PRR16: variants seen among roughly 807,000 people sequenced by gnomAD.
The protein encoded by PRR16 is proline rich 16.
A neutral mutation model predicts 18.2 loss-of-function variants in PRR16; 6 were observed. The ratio of observed to expected loss-of-function variants is 0.33; its 90% CI spans 0.18 to 0.65. The LOEUF (loss-of-function observed/expected upper bound fraction) is 0.65. Among genes scored for constraint, PRR16 ranks in the 30% least tolerant of loss-of-function variants. The probability of loss-of-function intolerance (pLI) is 0.74; values close to 1 mark genes in which losing one functional copy is unlikely to be tolerated. For missense variants in PRR16, 412 were observed against 376.6 expected (o/e 1.09, Z -0.78); for synonymous variants, 151 against 147.8 (o/e 1.02, Z -0.16).
intron 1 of PRR16, among the ~76,000 whole-genome samples, chr5:120,580,180 A>G (rs1327750290): frequency 1.3e-5 from 2 of 152,136 alleles, no homozygotes; most frequent in Non-Finnish European, 2.9e-5. Flanking sequence ...CTGCAAACAG[A>G]GACAACTTGA....
intron 1 of PRR16, among the ~76,000 whole-genome samples, chr5:120,659,772 G>C (rs1425545048): frequency 6.6e-6 from 1 of 151,894 alleles, no homozygotes; most frequent in Admixed American, 6.6e-5. Context: ...GACATTCTTG[G>C]ATCAAAAAGA....
chr5:120,682,934 T>C lies in PRR16; in HGVS notation c.160-3020T>C, dbSNP rs146577046. Among the ~76,000 whole-genome samples, 1,310 of 152,276 alleles carry C rather than the reference T, an allele frequency of 8.6e-3. 6 individuals carry two copies. The highest frequency in any genetic ancestry group is 0.027 in the South Asian group (132 of 4,824). On this transcript the variant is annotated intron_variant, in intron 1 of 1. Coordinates refer to ENST00000407149, the MANE Select transcript of PRR16 (RefSeq NM_001300783.2). Reference sequence around the variant, plus strand: ...AGCCCCTAATTAGTACCGGTTGTTATGTTAGGCCTTTAGAATGCAATAGGA... The same window carrying C: ...AGCCCCTAATTAGTACCGGTTGTTACGTTAGGCCTTTAGAATGCAATAGGA...
chr5:120,515,831 C>A (rs1485168896), intron 1 of PRR16, among the ~76,000 whole-genome samples: 1 of 152,110 alleles, frequency 6.6e-6, no homozygotes, highest in Non-Finnish European at 1.5e-5. Flanking sequence ...GCCTTTATAG[C>A]ATTTATGTAT....
the PRR16 span, among the ~76,000 whole-genome samples, chr5:120,753,784 T>C: frequency 4.2e-5 from 6 of 144,412 alleles, no homozygotes; most frequent in South Asian, 1.3e-3. Flanking sequence ...GTTATGTAAT[T>C]ATATGTACTC....
the PRR16 span, among the ~76,000 whole-genome samples, chr5:120,732,859 G>T: frequency 5.4e-4 from 82 of 152,144 alleles, no homozygotes; most frequent in Non-Finnish European, 1.0e-3. Context: ...ATGAATAAAT[G>T]AGTTTTAATT....
chr5:120,592,741 G>A (rs1340996889), intron 1 of PRR16, among the ~76,000 whole-genome samples: 4 of 151,976 alleles, frequency 2.6e-5, no homozygotes, highest in Non-Finnish European at 5.9e-5. Flanking sequence ...TCATAATAAT[G>A]GTTGTTAATT....
intron 1 of PRR16, among the ~76,000 whole-genome samples, chr5:120,544,601 TTATTC>T (rs888112846): frequency 5.3e-5 from 8 of 152,172 alleles, no homozygotes; most frequent in African/African-American, 1.9e-4. Context: ...GTTTTCTATT[TTATTC>T]TATATGACAT....
the PRR16 span, among the ~76,000 whole-genome samples, chr5:120,776,964 G>A: frequency 2.0e-5 from 3 of 152,186 alleles, no homozygotes; most frequent in East Asian, 5.8e-4. Flanking sequence ...CCAAAATTTT[G>A]TTTAAGATAT....
At chr5:120,612,475 C>T (rs1041630856) in intron 1 of PRR16, among the ~76,000 whole-genome samples, 6 of 152,142 alleles carry the variant, frequency 3.9e-5, no homozygotes, top group African/African-American at 1.4e-4. Context: ...GTAATTGAAT[C>T]ATGGGGGCCA....
intron 1 of PRR16, among the ~76,000 whole-genome samples, chr5:120,609,574 T>C (rs1044330010): frequency 6.6e-6 from 1 of 152,316 alleles, no homozygotes; most frequent in African/African-American, 2.4e-5. Flanking sequence ...CTCAGTAATA[T>C]TAAAGTAAAA....
At chr5:120,606,833 G>A (rs1395231356) in intron 1 of PRR16, among the ~76,000 whole-genome samples, 2 of 151,920 alleles carry the variant, frequency 1.3e-5, no homozygotes, top group East Asian at 1.9e-4. Flanking sequence ...CTTGGGCCAC[G>A]AAACACAAGG....
At chr5:120,481,121 A>T (rs1267359225) in intron 1 of PRR16, 1 of 1,194,502 alleles carries the variant, frequency 8.4e-7, no homozygotes, top group Non-Finnish European at 1.1e-6. Context: ...AAACACAGCT[A>T]CTTTACCAAT....
chr5:120,637,332 A>AC (rs1168962316), intron 1 of PRR16, among the ~76,000 whole-genome samples: 3 of 150,480 alleles, frequency 2.0e-5, no homozygotes, highest in African/African-American at 7.3e-5. Context: ...AAAAAAAAAA[A>AC]AAAAAAAAAA....
chr5:120,733,955 C>T, the PRR16 span, among the ~76,000 whole-genome samples: 1 of 152,122 alleles, frequency 6.6e-6, no homozygotes, highest in Non-Finnish European at 1.5e-5. Context: ...TCTGTGTTAT[C>T]CCTTACTTAC....
chr5:120,527,800 A>G (rs1012933169), intron 1 of PRR16, among the ~76,000 whole-genome samples: 7 of 152,170 alleles, frequency 4.6e-5, no homozygotes, highest in African/African-American at 1.7e-4. Flanking sequence ...AGCAGAAGGG[A>G]GAGAATACAT....
Position 120,603,662 on chromosome 5 carries a change from T to C in PRR16, c.160-82292T>C, listed in dbSNP as rs189337226. ...TAGGTGTGATGTTAGGTTAACTTGA[T>C]AACTTTCTAACTTCTTAATGTAGGG... On this transcript the variant is annotated intron_variant, in intron 1 of 1. Coordinates refer to ENST00000407149, the MANE Select transcript of PRR16 (RefSeq NM_001300783.2). Among the ~76,000 whole-genome samples the C allele has an allele frequency of 2.5e-3, 374 of 152,016 alleles. 2 individuals are homozygous for C. Among genetic ancestry groups the C allele is most frequent in the African/African-American group, 8.5e-3 (353 of 41,532 alleles).
At chr5:120,749,663 A>G in the PRR16 span, among the ~76,000 whole-genome samples, 1 of 152,164 alleles carries the variant, frequency 6.6e-6, no homozygotes, top group African/African-American at 2.4e-5. Context: ...AATGCAAAAT[A>G]ATTAATACCA....
intron 1 of PRR16, among the ~76,000 whole-genome samples, chr5:120,573,329 A>G (rs1561552380): frequency 6.6e-6 from 1 of 152,194 alleles, no homozygotes; most frequent in Non-Finnish European, 1.5e-5. Context: ...TCTTATTTCA[A>G]AATGGCAAGA....
At chr5:120,553,196 CTCATCACAT>C (rs1197655848) in intron 1 of PRR16, among the ~76,000 whole-genome samples, 1 of 151,760 alleles carries the variant, frequency 6.6e-6, no homozygotes, top group East Asian at 1.9e-4. Context: ...AAGAACTAAT[CTCATCACAT>C]TCATTTAATG....
Sources: allele counts gnomAD v4.1 joint callset (sites outside exome capture counted in the v4.1 genomes callset), GRCh38; gene constraint gnomAD v4.1.1; transcripts MANE v1.5; gene names NCBI Gene and HGNC (gene_info 2026-07-23, HGNC 2026-07-21).